SORCS1: variants seen among roughly 807,000 people sequenced by gnomAD.
The protein encoded by SORCS1 is sortilin related VPS10 domain containing receptor 1, also known as VPS10 domain-containing receptor SorCS1.
A neutral mutation model predicts 146.1 loss-of-function variants in SORCS1; 60 were observed. That is an observed-to-expected ratio of 0.41 (90% CI 0.33 to 0.51). The LOEUF (loss-of-function observed/expected upper bound fraction) is 0.51. Among genes scored for constraint, SORCS1 ranks in the 20% least tolerant of loss-of-function variants. The pLI is 0.21. For synonymous variants in SORCS1, 637 were observed against 584.0 expected (o/e 1.09, Z -1.31); for missense variants, 1,352 against 1,487.6 (o/e 0.91, Z 1.50).
intron 1 of SORCS1, among the ~76,000 whole-genome samples, chr10:106,995,904 C>T (rs1394993733): frequency 6.6e-6 from 1 of 152,038 alleles, no homozygotes; most frequent in Non-Finnish European, 1.5e-5. Flanking sequence ...AGGAGAAGTT[C>T]AAAAAGCACC....
intron 2 of SORCS1, among the ~76,000 whole-genome samples, chr10:106,893,366 C>T (rs1419932568): frequency 6.6e-6 from 1 of 152,174 alleles, no homozygotes; most frequent in Non-Finnish European, 1.5e-5. Flanking sequence ...GATTTTATAA[C>T]AACACATACA....
At chr10:107,117,585 T>C (rs1966122268) in intron 1 of SORCS1, among the ~76,000 whole-genome samples, 1 of 152,190 alleles carries the variant, frequency 6.6e-6, no homozygotes, top group Non-Finnish European at 1.5e-5. Flanking sequence ...AGGTGAAATA[T>C]TAGCTCCAGT....
intron 2 of SORCS1, among the ~76,000 whole-genome samples, chr10:106,880,898 C>T: frequency 6.6e-6 from 1 of 151,746 alleles, no homozygotes; most frequent in Non-Finnish European, 1.5e-5. Context: ...ACCATCCTGG[C>T]TAACATGGTG....
intron 24 of SORCS1, among the ~76,000 whole-genome samples, chr10:106,585,913 T>G (rs1845205135): frequency 6.6e-6 from 1 of 152,168 alleles, no homozygotes; most frequent in African/African-American, 2.4e-5. Context: ...ACCCGTAACA[T>G]GTGAGACAGA....
At chr10:106,710,666 G>A (rs1854914804) in intron 6 of SORCS1, among the ~76,000 whole-genome samples, 1 of 152,044 alleles carries the variant, frequency 6.6e-6, no homozygotes, top group Non-Finnish European at 1.5e-5. Flanking sequence ...ATCAGATTAT[G>A]TTACTCCCTT....
At chr10:106,608,105 C>T (rs968424867) in intron 22 of SORCS1, among the ~76,000 whole-genome samples, 5 of 152,342 alleles carry the variant, frequency 3.3e-5, no homozygotes, top group African/African-American at 1.2e-4. Context: ...ATAATCCCAG[C>T]TTCTCTCTCC....
intron 17 of SORCS1, among the ~76,000 whole-genome samples, chr10:106,664,654 GA>G (rs912731086): frequency 6.6e-6 from 1 of 151,568 alleles, no homozygotes; most frequent in East Asian, 1.9e-4. Flanking sequence ...AAACAAAGAG[GA>G]AAAAAAAGAT....
chr10:106,899,545 T>C (rs1216597221), intron 2 of SORCS1, among the ~76,000 whole-genome samples: 1 of 151,828 alleles, frequency 6.6e-6, no homozygotes, highest in Non-Finnish European at 1.5e-5. Context: ...TACTTCCTTT[T>C]CATTCCACCT....
intron 23 of SORCS1, among the ~76,000 whole-genome samples, chr10:106,604,481 T>C (rs80016793): frequency 0.02 from 3,061 of 152,286 alleles, 36 homozygotes; most frequent in Middle Eastern, 0.048. Context: ...TCTGATGTGC[T>C]CTGTTTGGCA....
chr10:106,613,709 G>A (rs1229198477), intron 21 of SORCS1, among the ~76,000 whole-genome samples: 2 of 152,166 alleles, frequency 1.3e-5, no homozygotes, highest in East Asian at 3.9e-4. Context: ...AAACCTGCCA[G>A]TGCCTCCACA....
chr10:106,947,598 C>T (rs923552029), intron 2 of SORCS1, among the ~76,000 whole-genome samples: 3 of 152,174 alleles, frequency 2.0e-5, no homozygotes, highest in Non-Finnish European at 4.4e-5. Flanking sequence ...AATCCCAGCA[C>T]TTTGGGAGGC....
intron 1 of SORCS1, among the ~76,000 whole-genome samples, chr10:107,091,354 AT>A (rs1173193925): frequency 6.6e-6 from 1 of 152,202 alleles, no homozygotes; most frequent in African/African-American, 2.4e-5. Flanking sequence ...TCCCTTTTCT[AT>A]GAGTCAGCCT....
chr10:106,625,619 A>G (rs2133548085), intron 19 of SORCS1, among the ~76,000 whole-genome samples: 1 of 152,204 alleles, frequency 6.6e-6, no homozygotes, highest in East Asian at 1.9e-4. Flanking sequence ...GATGGTGTGA[A>G]TGGTCGAAAA....
chr10:107,067,690 C>T (rs769132666), intron 1 of SORCS1, among the ~76,000 whole-genome samples: 5 of 152,100 alleles, frequency 3.3e-5, no homozygotes, highest in Admixed American at 2.0e-4. Context: ...CAACTGGAAT[C>T]GGACTGAGTT....
rs527241279 is a variant in SORCS1, at chr10:106,636,957, G to A, written c.2476-7569C>T. ...GAAACCAAAGAACTTTGTAAGCTTC[G>A]CTAACTACAACCCTTTAGAGGAATG... On this transcript the variant is annotated intron_variant, in intron 18 of 25. Transcript: ENST00000263054. 3.6e-4 allele frequency among the ~76,000 whole-genome samples: 55 copies of A among 152,266 alleles called. 1 individual carries two copies. In the South Asian group the frequency reaches 0.011, roughly 30 times the overall value.
At chr10:106,987,249 T>C (rs1408588715) in intron 1 of SORCS1, among the ~76,000 whole-genome samples, 1 of 152,186 alleles carries the variant, frequency 6.6e-6, no homozygotes, top group East Asian at 1.9e-4. Context: ...ATTTGTAAAG[T>C]GTGTTTTCAT....
At chr10:106,825,266 CA>C (rs1438511260) in intron 3 of SORCS1, among the ~76,000 whole-genome samples, 1 of 131,598 alleles carries the variant, frequency 7.6e-6, no homozygotes, top group Admixed American at 7.9e-5. Flanking sequence ...ATTGAGATTT[CA>C]ACTTTTTTTT....
At chr10:106,607,740 A>G (rs538581990) in intron 22 of SORCS1, among the ~76,000 whole-genome samples, 1 of 152,214 alleles carries the variant, frequency 6.6e-6, no homozygotes, top group African/African-American at 2.4e-5. Flanking sequence ...CCTTCACTTT[A>G]TCATCTGCCC....
intron 5 of SORCS1, among the ~76,000 whole-genome samples, chr10:106,755,286 G>T (rs190277167): frequency 6.6e-6 from 1 of 152,240 alleles, no homozygotes; most frequent in East Asian, 1.9e-4. Context: ...TGAGAAGGGA[G>T]TAAGTCTTGA....
Sources: allele counts gnomAD v4.1 joint callset (sites outside exome capture counted in the v4.1 genomes callset), GRCh38; gene constraint gnomAD v4.1.1; transcripts MANE v1.5; gene names NCBI Gene and HGNC (gene_info 2026-07-23, HGNC 2026-07-21).